LSAMP: variants seen among roughly 807,000 people sequenced by gnomAD.
The protein encoded by LSAMP is limbic system associated membrane protein, also known as limbic system-associated membrane protein.
In LSAMP, 7 loss-of-function variants were observed where a neutral mutation model predicts 38.6. The observed-to-expected ratio is 0.18, with a 90% CI of 0.10 to 0.34. LSAMP has a LOEUF of 0.34. LSAMP is among the 10% of genes least tolerant of loss of function. The pLI, the probability that LSAMP is intolerant of heterozygous loss-of-function variation, is 1.00. For synonymous variants in LSAMP, 154 were observed against 166.8 expected (o/e 0.92, Z 0.59); for missense variants, 313 against 420.0 (o/e 0.75, Z 2.23).
At chr3:115,937,290 T>C (rs1227925213) in intron 3 of LSAMP, among the ~76,000 whole-genome samples, 1 of 152,138 alleles carries the variant, frequency 6.6e-6, no homozygotes, top group East Asian at 1.9e-4. Flanking sequence ...ATATAGTCAA[T>C]GCAATAAGAT....
At chr3:115,812,979 G>A (rs1047750925) in intron 6 of LSAMP, among the ~76,000 whole-genome samples, 2 of 151,986 alleles carry the variant, frequency 1.3e-5, no homozygotes, top group African/African-American at 4.8e-5. Flanking sequence ...TAACATTCTT[G>A]ATAATACATG....
At chr3:116,294,232 A>G (rs1011195390) in intron 1 of LSAMP, among the ~76,000 whole-genome samples, 1 of 152,178 alleles carries the variant, frequency 6.6e-6, no homozygotes, top group African/African-American at 2.4e-5. Flanking sequence ...GATTATTCAC[A>G]TGAAGATTGT....
chr3:116,440,857 C>A (rs1228412347), intron 1 of LSAMP, among the ~76,000 whole-genome samples: 1 of 152,096 alleles, frequency 6.6e-6, no homozygotes. Flanking sequence ...TAGGCCCATG[C>A]CCACAGTTTG....
chr3:116,401,470 C>T (rs978924840), intron 1 of LSAMP, among the ~76,000 whole-genome samples: 2 of 152,142 alleles, frequency 1.3e-5, no homozygotes, highest in African/African-American at 4.8e-5. Context: ...TTTGTAGAGA[C>T]AGGGTTTCAC....
In LSAMP at chr3:115,830,179, C is replaced by T. The variant is rs60996512; in HGVS notation, c.919+11666G>A. On this transcript the variant is annotated intron_variant, in intron 6 of 6. Transcript: ENST00000490035. ...AATAAGTGTGTGAAATTAGATGTAC[C>T]GATGCCAGATAGCTCTGCTCAAGTT... Among the ~76,000 whole-genome samples the T allele has an allele frequency of 5.9e-5, 9 of 152,188 alleles. No homozygotes were observed. In the South Asian group the frequency reaches 1.2e-3, roughly 21 times the overall value.
At chr3:116,338,186 G>A (rs1368596024) in intron 1 of LSAMP, among the ~76,000 whole-genome samples, 2 of 151,946 alleles carry the variant, frequency 1.3e-5, no homozygotes, top group African/African-American at 4.8e-5. Context: ...TCTAGACATA[G>A]CTATGAAGAA....
At chr3:115,939,530 C>CTCTTTCTTTCTTTCTT (rs377683505) in intron 3 of LSAMP, among the ~76,000 whole-genome samples, 6,293 of 99,660 alleles carry the variant, frequency 0.063, 420 homozygotes, top group Middle Eastern at 0.088. Flanking sequence ...TGTTCTCTTT[C>CTCTTTCTTTCTTTCTT]TCTTTCTTTC....
At chr3:116,327,262 C>T (rs915895824) in intron 1 of LSAMP, among the ~76,000 whole-genome samples, 1 of 152,144 alleles carries the variant, frequency 6.6e-6, no homozygotes, top group Non-Finnish European at 1.5e-5. Context: ...ACAGTTCTTA[C>T]CACCTGTCAT....
intron 3 of LSAMP, among the ~76,000 whole-genome samples, chr3:115,950,321 A>G (rs947133250): frequency 6.6e-6 from 1 of 152,134 alleles, no homozygotes; most frequent in African/African-American, 2.4e-5. Flanking sequence ...ATATAATCAT[A>G]TACCTAGAAA....
At chr3:116,111,261 C>T (rs1444082602) in intron 1 of LSAMP, among the ~76,000 whole-genome samples, 4 of 152,180 alleles carry the variant, frequency 2.6e-5, no homozygotes, top group Non-Finnish European at 4.4e-5. Context: ...TTGGAGTTGA[C>T]TATAGGACAG....
At chr3:116,156,847 G>A (rs1438711085) in intron 1 of LSAMP, among the ~76,000 whole-genome samples, 1 of 152,150 alleles carries the variant, frequency 6.6e-6, no homozygotes, top group Non-Finnish European at 1.5e-5. Context: ...GTAGAAAAAT[G>A]TGTCGTGTGA....
At chr3:116,342,493 A>G (rs1444220411) in intron 1 of LSAMP, among the ~76,000 whole-genome samples, 1 of 152,102 alleles carries the variant, frequency 6.6e-6, no homozygotes, top group Non-Finnish European at 1.5e-5. Flanking sequence ...ACAAAGGATA[A>G]AACATTGTTT....
chr3:116,002,751 C>G (rs940113307), intron 3 of LSAMP, among the ~76,000 whole-genome samples: 1 of 152,150 alleles, frequency 6.6e-6, no homozygotes, highest in African/African-American at 2.4e-5. Context: ...CTTTTGCCCT[C>G]AGCTTACTTT....
At chr3:116,264,858 T>C (rs1344174754) in intron 1 of LSAMP, among the ~76,000 whole-genome samples, 1 of 152,108 alleles carries the variant, frequency 6.6e-6, no homozygotes, top group Admixed American at 6.5e-5. Flanking sequence ...CCTCCCACCT[T>C]GGCCTCCCAA....
chr3:115,874,707 T>A (rs149066704), intron 3 of LSAMP, among the ~76,000 whole-genome samples: 5 of 152,256 alleles, frequency 3.3e-5, no homozygotes, highest in African/African-American at 1.2e-4. Flanking sequence ...AATGTATGTA[T>A]GTACGTTATT....
chr3:116,129,149 C>T (rs191966883), intron 1 of LSAMP, among the ~76,000 whole-genome samples: 12 of 152,032 alleles, frequency 7.9e-5, no homozygotes, highest in East Asian at 3.9e-4. Flanking sequence ...GTGAATCATT[C>T]GCAATGAGGA....
chr3:115,888,984 A>G (rs1308957238), intron 3 of LSAMP, among the ~76,000 whole-genome samples: 1 of 151,948 alleles, frequency 6.6e-6, no homozygotes, highest in African/African-American at 2.4e-5. Context: ...TCAACCACGC[A>G]GAGAGAATGG....
In LSAMP at chr3:116,190,088, G is replaced by GACACACACACACACACACAC. The variant is rs3071108; in HGVS notation, c.156-103552_156-103533dup. On this transcript the variant is annotated intron_variant, in intron 1 of 6. Coordinates refer to ENST00000490035, the MANE Select transcript of LSAMP (RefSeq NM_002338.5). ...ACTATGAGCCTCAGGTCCAGTAGTAGACACACACACACACACACACACACA... is the reference window on the plus strand; with the variant it reads ...ACTATGAGCCTCAGGTCCAGTAGTAGACACACACACACACACACACACACACACACACACACACACACACA... Among the ~76,000 whole-genome samples, 396 of 142,764 alleles carry GACACACACACACACACACAC rather than the reference G, an allele frequency of 2.8e-3. 1 individual carries two copies. Among genetic ancestry groups the GACACACACACACACACACAC allele is most frequent in the African/African-American group, 7.9e-3 (288 of 36,298 alleles). The allele number at this position is 142,764 out of a possible 152,430, so 93.7% of individuals were successfully genotyped here. A position where few individuals can be genotyped will look rare whatever the true frequency, so the allele number is the denominator to read the frequency against.
intron 1 of LSAMP, among the ~76,000 whole-genome samples, chr3:116,313,492 A>G (rs2047585455): frequency 6.6e-6 from 1 of 152,178 alleles, no homozygotes; most frequent in Admixed American, 6.5e-5. Flanking sequence ...AATCTCTGGC[A>G]CTGCCTGTGT....
Sources: gnomAD v4.1 joint callset for allele counts (sites outside exome capture counted in the v4.1 genomes callset) on GRCh38, gnomAD v4.1.1 for gene constraint, MANE v1.5 for transcripts, NCBI Gene and HGNC (gene_info 2026-07-23, HGNC 2026-07-21) for gene names.